MCM3AP: variants seen among roughly 807,000 people sequenced by gnomAD.
MCM3AP encodes minichromosome maintenance complex component 3 associated protein, also known as germinal-center associated nuclear protein.
In MCM3AP, 126 loss-of-function variants were observed where a neutral mutation model predicts 184.1. The ratio of observed to expected loss-of-function variants is 0.68; its 90% CI spans 0.59 to 0.79. The LOEUF is 0.79. Ranked by LOEUF, MCM3AP falls within the 30% of genes least tolerant of loss-of-function variation. The probability of loss-of-function intolerance (pLI) is 0.00; values close to 1 mark genes in which losing one functional copy is unlikely to be tolerated. For synonymous variants in MCM3AP, 1,002 were observed against 979.3 expected (o/e 1.02, Z -0.43); for missense variants, 2,496 against 2,479.2 (o/e 1.01, Z -0.14).
At chr21:46,258,146 G>A (rs1314792959) in intron 16 of MCM3AP, among the ~76,000 whole-genome samples, 1 of 152,190 alleles carries the variant, frequency 6.6e-6, no homozygotes, top group Non-Finnish European at 1.5e-5. Flanking sequence ...AGAAAGGACA[G>A]AAAGTCTCTG....
At chr21:46,254,986 AT>A (rs1462878990) in intron 17 of MCM3AP, 142 bp from the exon 18 acceptor site, 16 of 689,648 alleles carry the variant, frequency 2.3e-5, no homozygotes, top group Non-Finnish European at 3.7e-5. Context: ...CATTCCACAA[AT>A]ATCATGTTAA....
Position 46,260,875 on chromosome 21 carries a change from C to G in MCM3AP, c.3499G>C (p.Glu1167Gln), listed in dbSNP as rs747243323. 1 of 1,613,896 alleles carries G rather than the reference C, an allele frequency of 6.2e-7. No homozygotes were observed. The highest frequency in any genetic ancestry group is 2.2e-5 in the East Asian group (1 of 44,880). ...LKQERELVLS[E>Q]LSQGLAVELM... The stretch of plus-strand genomic sequence containing the variant: ...TCCACGGCCAGGCCCTGGCTCAGCT[C>G]ACTTAACACCAGCTCTCTCTCTTGT... Residue 1167 changes from glutamate (E) to glutamine (Q), a missense_variant, in exon 15 of 28, where the codon GAG becomes CAG. By Grantham distance (29) the Glu-to-Gln change is conservative. Coordinates refer to ENST00000291688, the MANE Select transcript of MCM3AP (RefSeq NM_003906.5).
At chr21:46,254,035 C>T in intron 19 of MCM3AP, 1 of 286,372 alleles carries the variant, frequency 3.5e-6, no homozygotes. Context: ...GTAAGACATG[C>T]CTCCCTCCCC....
At chr21:46,282,479 A>C (rs1381043745) in intron 2 of MCM3AP, among the ~76,000 whole-genome samples, 6 of 152,236 alleles carry the variant, frequency 3.9e-5, no homozygotes, top group Non-Finnish European at 5.9e-5. Flanking sequence ...TAACATAAGC[A>C]GTCCACGTTC....
Position 46,285,037 on chromosome 21 carries a change from A to C in MCM3AP, c.250T>G (p.Phe84Val). The C allele has an allele frequency of 6.2e-7, 1 of 1,614,198 alleles. No individual in the cohort carries two copies. Among genetic ancestry groups the C allele is most frequent in the Non-Finnish European group, 8.5e-7 (1 of 1,180,024 alleles). Residue 84 changes from phenylalanine to valine, a missense_variant, in exon 1 of 28, where the codon TTT becomes GTT. Transcript: ENST00000291688. ...GFTQTSSVGP[F>V]SGLEHTSTFV... The stretch of plus-strand genomic sequence containing the variant: ...GTGGAAGTGTGCTCAAGTCCAGAAA[A>C]GGGTCCAACACTTGAGGTTTGGGTG...
At chr21:46,265,814 C>T in intron 11 of MCM3AP, 111 bp downstream of exon 11, 1 of 1,348,362 alleles carries the variant, frequency 7.4e-7, no homozygotes. Flanking sequence ...GACAGGTGCT[C>T]AGGCTCCTGG....
chr21:46,275,535 G>T (rs577983137), intron 5 of MCM3AP, among the ~76,000 whole-genome samples: 8 of 152,262 alleles, frequency 5.3e-5, no homozygotes, highest in African/African-American at 1.9e-4. Flanking sequence ...AGCTCCCAAA[G>T]ACCCGAGTCC....
At chr21:46,246,448 A>C in intron 21 of MCM3AP, 44 bp from the exon 22 acceptor site, 1 of 1,387,886 alleles carries the variant, frequency 7.2e-7, no homozygotes, top group African/African-American at 1.4e-5. Context: ...TTCTGCTGTC[A>C]GCACACCTGC....
intron 5 of MCM3AP, 72 bp from the exon 6 acceptor site, chr21:46,275,397 A>C: frequency 7.7e-7 from 1 of 1,301,242 alleles, no homozygotes; most frequent in East Asian, 2.6e-5. Context: ...GTATTCTCAT[A>C]ATGATAAAAA....
chr21:46,259,219 G>C, intron 15 of MCM3AP, 128 bp from the exon 16 acceptor site: 2 of 824,130 alleles, frequency 2.4e-6, no homozygotes, highest in East Asian at 2.6e-5. Context: ...ACTTTGGAAG[G>C]CCGAAGCGGG....
At chr21:46,264,595 T>C (rs1409793069) in intron 12 of MCM3AP, among the ~76,000 whole-genome samples, 1 of 152,000 alleles carries the variant, frequency 6.6e-6, no homozygotes, top group Admixed American at 6.5e-5. Flanking sequence ...GTCGACAGGC[T>C]CTACTCAATA....
At chr21:46,256,675 C>T (rs1314235080) in intron 17 of MCM3AP, 114 bp downstream of exon 17, 19 of 1,312,034 alleles carry the variant, frequency 1.4e-5, no homozygotes, top group Non-Finnish European at 1.8e-5. Flanking sequence ...CACCTATCTT[C>T]GCCTCCAGGC....
chr21:46,236,800 T>C, intron 27 of MCM3AP, 29 bp downstream of exon 27: 1 of 1,478,138 alleles, frequency 6.8e-7, no homozygotes. Context: ...AATTCTTATG[T>C]AAATGCCAAA....
At chr21:46,262,866 C>G (rs979743550) in intron 13 of MCM3AP, among the ~76,000 whole-genome samples, 1 of 145,708 alleles carries the variant, frequency 6.9e-6, no homozygotes, top group African/African-American at 2.5e-5. Context: ...ACTCGGGAGG[C>G]TGAGGCAGGA....
Position 46,280,037 on chromosome 21 carries a change from G to C in MCM3AP, c.1623C>G (p.Gly541=), listed in dbSNP as rs1326967190. The change falls in exon 4 of 28, where the codon GGC becomes GGG. Residue 541 remains glycine, a synonymous_variant. Transcript: ENST00000291688. ...TAGCACCAGTCCTCCCTGCGGCCTT[G>C]CCAAGAGGAGAGTGCTGAAAGGGTG... ...EDAPFQHSPL[G]KAAGRTGASS... 6.2e-7 allele frequency: 1 copy of C among 1,614,102 alleles called. No homozygotes were observed. The highest frequency in any genetic ancestry group is 1.1e-5 in the South Asian group (1 of 91,086).
Position 46,284,110 on chromosome 21 carries a change from C to T in MCM3AP, c.1177G>A (p.Val393Met). 6.2e-7 allele frequency: 1 copy of T among 1,614,074 alleles called. No individual in the cohort carries two copies. Among genetic ancestry groups the T allele is most frequent in the Non-Finnish European group, 8.5e-7 (1 of 1,179,968 alleles). The change falls in exon 1 of 28, where the codon GTG (valine) becomes ATG (methionine). Residue 393 changes from valine (V) to methionine (M), a missense_variant. Coordinates refer to ENST00000291688, the MANE Select transcript of MCM3AP (RefSeq NM_003906.5). ...CTTTCAGTTTCTTCCTCTTTATTCA[C>T]ACCTGGAATCCGGGAAGGTGCCAGG... ...SVLAPSRIPG[V>M]NKEEETESRE...
At chr21:46,276,387 A>G (rs1196551655) in intron 5 of MCM3AP, among the ~76,000 whole-genome samples, 1 of 152,186 alleles carries the variant, frequency 6.6e-6, no homozygotes, top group African/African-American at 2.4e-5. Flanking sequence ...TTAAGGAAAC[A>G]TGGTGATTAT....
Position 46,285,458 on chromosome 21 carries a change from T to A in MCM3AP, c.-172A>T. On this transcript the variant is annotated 5_prime_UTR_variant, in exon 1 of 28. An upstream open reading frame in the 5' UTR gains an earlier in-frame stop. Transcript: ENST00000291688. ...GCTACAAGTCTAAGAAAAGAATTTT[T>A]GAACACTGTCATACTAAAAGGATAA... 1.7e-6 allele frequency: 1 copy of A among 599,156 alleles called. No individual in the cohort carries two copies. Among genetic ancestry groups the A allele is most frequent in the Non-Finnish European group, 3.0e-6 (1 of 338,530 alleles). 37.1% of individuals were successfully genotyped at this position (599,156 alleles called of 1,614,324 possible). A position where few individuals can be genotyped will look rare whatever the true frequency, so the allele number is the denominator to read the frequency against.
chr21:46,247,163 A>C (rs1450258504), intron 20 of MCM3AP: 1 of 367,398 alleles, frequency 2.7e-6, no homozygotes, highest in Non-Finnish European at 5.0e-6. Context: ...TATGTTGCCC[A>C]GGCTGGTCTT....
Sources: allele counts gnomAD v4.1 joint callset (sites outside exome capture counted in the v4.1 genomes callset), GRCh38; gene constraint gnomAD v4.1.1; transcripts MANE v1.5; gene names NCBI Gene and HGNC (gene_info 2026-07-23, HGNC 2026-07-21).